Variants in KLHL29 observed in about 807,000 individuals in gnomAD.
KLHL29 encodes the protein kelch-like protein 29.
A neutral mutation model predicts 80.4 loss-of-function variants in KLHL29; 21 were observed. The observed-to-expected ratio is 0.26, with a 90% CI of 0.19 to 0.38. KLHL29 has a LOEUF of 0.38. KLHL29 is among the 10% of genes least tolerant of loss of function. The pLI, the probability that KLHL29 is intolerant of heterozygous loss-of-function variation, is 1.00. For missense variants in KLHL29, 867 were observed against 1,223.9 expected (o/e 0.71, Z 4.35); for synonymous variants, 511 against 526.8 (o/e 0.97, Z 0.41).
intron 5 of KLHL29, among the ~76,000 whole-genome samples, chr2:23,655,133 C>T (rs907289635): frequency 2.0e-5 from 3 of 152,200 alleles, no homozygotes; most frequent in Admixed American, 6.5e-5. Flanking sequence ...CCCAAAGTAA[C>T]ACAAGGGGCA....
intron 1 of KLHL29, among the ~76,000 whole-genome samples, chr2:23,398,890 A>G (rs1227969508): frequency 6.6e-6 from 1 of 152,208 alleles, no homozygotes. Context: ...ACTTCATCCT[A>G]AAGCATACAG....
At chr2:23,469,602 C>T (rs553781486) in intron 1 of KLHL29, among the ~76,000 whole-genome samples, 2 of 152,052 alleles carry the variant, frequency 1.3e-5, no homozygotes, top group African/African-American at 4.8e-5. Context: ...GAAGCAGTGT[C>T]TGATTTTTTT....
chr2:23,403,301 G>A (rs1011221623), intron 1 of KLHL29, among the ~76,000 whole-genome samples: 1 of 152,280 alleles, frequency 6.6e-6, no homozygotes. Context: ...ACAGAAAAAG[G>A]ACAGGCCGCC....
chr2:23,663,298 A>G (rs553107729), intron 5 of KLHL29, among the ~76,000 whole-genome samples: 6 of 152,300 alleles, frequency 3.9e-5, no homozygotes, highest in South Asian at 2.1e-4. Context: ...GTTTCCAGGT[A>G]GGGGTCCCCT....
At chr2:23,470,435 T>C (rs1664467060) in intron 1 of KLHL29, among the ~76,000 whole-genome samples, 1 of 152,214 alleles carries the variant, frequency 6.6e-6, no homozygotes, top group African/African-American at 2.4e-5. Context: ...CCTCTTTGAC[T>C]TGCTGTGTGA....
At chr2:23,429,194 C>T (rs1280695479) in intron 1 of KLHL29, among the ~76,000 whole-genome samples, 1 of 152,242 alleles carries the variant, frequency 6.6e-6, no homozygotes, top group Non-Finnish European at 1.5e-5. Context: ...CTGGGCCCTG[C>T]TCTGTCACTG....
intron 2 of KLHL29, among the ~76,000 whole-genome samples, chr2:23,545,771 C>G (rs755120436): frequency 3.9e-5 from 6 of 152,180 alleles, no homozygotes; most frequent in Non-Finnish European, 7.4e-5. Flanking sequence ...GTGAAAAATA[C>G]TGAGTTCCTT....
chr2:23,455,326 C>T (rs1483478299), intron 1 of KLHL29, among the ~76,000 whole-genome samples: 1 of 152,092 alleles, frequency 6.6e-6, no homozygotes, highest in Non-Finnish European at 1.5e-5. Flanking sequence ...ACACCTCGTG[C>T]CTAAAATATG....
At chr2:23,645,193 G>C (rs1669886708) in intron 5 of KLHL29, among the ~76,000 whole-genome samples, 1 of 152,050 alleles carries the variant, frequency 6.6e-6, no homozygotes. Context: ...TAATTTGTCT[G>C]TCAGATCTAA....
intron 2 of KLHL29, among the ~76,000 whole-genome samples, chr2:23,533,726 C>T (rs912562097): frequency 8.5e-5 from 13 of 152,128 alleles, no homozygotes; most frequent in African/African-American, 2.9e-4. Context: ...GCATTTACGC[C>T]AATGAAGAGA....
rs1390935966 is a variant in KLHL29 at position 23,700,649 on chromosome 2, G to T, written c.2106-2537G>T. 2.0e-5 allele frequency among the ~76,000 whole-genome samples: 3 copies of T among 152,116 alleles called. No homozygotes were observed. Among genetic ancestry groups the T allele is most frequent in the Non-Finnish European group, 4.4e-5 (3 of 68,010 alleles). On this transcript the variant is annotated intron_variant, in intron 11 of 13. Transcript: ENST00000486442. This position sits in a 1 kb window ranked among gnomAD's most constrained non-coding sequence, Gnocchi z 4.6. ...ATTCCATTGACCCCTCTCAGCTCCG[G>T]ATTCTTTTCTAGGTCCTACCTTCTG...
chr2:23,620,355 C>T (rs1669140668), intron 3 of KLHL29, among the ~76,000 whole-genome samples: 1 of 152,114 alleles, frequency 6.6e-6, no homozygotes, highest in African/African-American at 2.4e-5. Flanking sequence ...ACTGCCTTGC[C>T]ACACAAAGAA....
chr2:23,583,158 G>A (rs891673299), intron 3 of KLHL29, among the ~76,000 whole-genome samples: 1 of 152,094 alleles, frequency 6.6e-6, no homozygotes, highest in Non-Finnish European at 1.5e-5. Flanking sequence ...TTCAGACTTC[G>A]GACCTCCCAA....
At chr2:23,501,756 C>T (rs751819732) in intron 2 of KLHL29, among the ~76,000 whole-genome samples, 5 of 152,144 alleles carry the variant, frequency 3.3e-5, no homozygotes, top group African/African-American at 4.8e-5. Context: ...TTCTCTACAA[C>T]GAAATGCCTG....
At chr2:23,547,670 C>T (rs1011354949) in intron 2 of KLHL29, among the ~76,000 whole-genome samples, 6 of 151,952 alleles carry the variant, frequency 3.9e-5, no homozygotes, top group South Asian at 4.2e-4. Flanking sequence ...CCACCCCTCC[C>T]GCCTCCCCCG....
intron 2 of KLHL29, among the ~76,000 whole-genome samples, chr2:23,502,054 G>A (rs1665462577): frequency 1.3e-5 from 2 of 152,170 alleles, no homozygotes; most frequent in South Asian, 4.1e-4. Flanking sequence ...GGGTGCTGTT[G>A]CTGTGTAGCC....
intron 3 of KLHL29, among the ~76,000 whole-genome samples, chr2:23,606,063 C>T (rs181356629): frequency 6.6e-6 from 1 of 151,976 alleles, no homozygotes; most frequent in Non-Finnish European, 1.5e-5. Context: ...GCCATGGTGC[C>T]CAGCCAAGGG....
At position 23,562,753 on chromosome 2, in the gene KLHL29, C is replaced by T. The variant is rs1021677160; in HGVS notation, c.285+272C>T. Among the ~76,000 whole-genome samples the T allele has an allele frequency of 6.6e-6, 1 of 152,160 alleles. No homozygotes were observed. Among genetic ancestry groups the T allele is most frequent in the Non-Finnish European group, 1.5e-5 (1 of 68,028 alleles). On this transcript the variant is annotated intron_variant, in intron 3 of 13. Coordinates refer to ENST00000486442, the MANE Select transcript of KLHL29 (RefSeq NM_052920.2). The surrounding 1 kb of genome is among the most constrained non-coding windows in gnomAD (Gnocchi z 4.5). ...TGTCCTATGCCATGTTGATTAGATGCTATTAATGAGTGAAGTAACAGTGGA... is the reference window on the plus strand; with the variant it reads ...TGTCCTATGCCATGTTGATTAGATGTTATTAATGAGTGAAGTAACAGTGGA...
chr2:23,654,692 A>C, intron 5 of KLHL29, among the ~76,000 whole-genome samples: 1 of 12,612 alleles, frequency 7.9e-5, no homozygotes, highest in Non-Finnish European at 4.3e-4. Flanking sequence ...AAGGGAACAG[A>C]GGTTGGGGGG....
Sources: gnomAD v4.1 joint callset for allele counts (sites outside exome capture counted in the v4.1 genomes callset) on GRCh38, gnomAD v4.1.1 for gene constraint, Gnocchi (gnomAD v3.1) non-coding constraint, MANE v1.5 for transcripts, NCBI Gene and HGNC (gene_info 2026-07-23, HGNC 2026-07-21) for gene names.